The following TMTC2 variants were observed in gnomAD, a reference collection of about 807,000 sequenced individuals.
The protein encoded by TMTC2 is transmembrane O-mannosyltransferase targeting cadherins 2.
TMTC2 carries 43 observed loss-of-function variants against 82.4 expected under a neutral mutation model. The observed-to-expected ratio is 0.52, with a 90% CI of 0.41 to 0.67. TMTC2 has a LOEUF of 0.67. Among genes scored for constraint, TMTC2 ranks in the 30% least tolerant of loss-of-function variants. TMTC2 has a pLI of 0.00. For synonymous variants in TMTC2, 408 were observed against 381.9 expected (o/e 1.07, Z -0.80); for missense variants, 919 against 1,012.4 (o/e 0.91, Z 1.25).
At chr12:82,745,187 C>T (rs184246330) in intron 1 of TMTC2, among the ~76,000 whole-genome samples, 19 of 152,032 alleles carry the variant, frequency 1.2e-4, no homozygotes, top group African/African-American at 4.6e-4. Context: ...TTTCATTCCT[C>T]AAGCAGAACT....
intron 10 of TMTC2, among the ~76,000 whole-genome samples, chr12:83,055,001 C>T (rs1037345972): frequency 6.6e-6 from 1 of 152,034 alleles, no homozygotes; most frequent in African/African-American, 2.4e-5. Context: ...GGGTTGGGAG[C>T]TCTACTCTAC....
At chr12:82,796,883 G>A (rs1321735820) in intron 1 of TMTC2, among the ~76,000 whole-genome samples, 1 of 152,074 alleles carries the variant, frequency 6.6e-6, no homozygotes, top group Non-Finnish European at 1.5e-5. Flanking sequence ...GCTTTAAAAT[G>A]GGGATATAAA....
chr12:82,855,513 C>G (rs1431468360), intron 1 of TMTC2, among the ~76,000 whole-genome samples: 2 of 152,132 alleles, frequency 1.3e-5, no homozygotes, highest in Non-Finnish European at 2.9e-5. Context: ...CTTAAAAAGC[C>G]CTGATATCAG....
chr12:82,797,653 T>C (rs1247304202), intron 1 of TMTC2, among the ~76,000 whole-genome samples: 1 of 152,118 alleles, frequency 6.6e-6, no homozygotes, highest in Non-Finnish European at 1.5e-5. Flanking sequence ...GTTAAATCAA[T>C]TTTAAAGATA....
chr12:83,041,567 T>A lies in TMTC2; in HGVS notation c.2153-9337T>A, dbSNP rs10467047. Among the ~76,000 whole-genome samples the A allele has an allele frequency of 2.7e-3, 413 of 151,872 alleles. 2 individuals are homozygous for A. Among genetic ancestry groups the A allele is most frequent in the African/African-American group, 9.6e-3 (397 of 41,402 alleles). On this transcript the variant is annotated intron_variant, in intron 9 of 11. Transcript: ENST00000321196. ...AAAAATTTTGAATAAGGTATATAAA[T>A]AAAGGGACAAATTAAGGGAAGAAGA...
At chr12:83,046,544 A>G (rs1162628428) in intron 9 of TMTC2, among the ~76,000 whole-genome samples, 2 of 152,156 alleles carry the variant, frequency 1.3e-5, no homozygotes, top group African/African-American at 2.4e-5. Flanking sequence ...CAGACTCTCC[A>G]AAGTGCCTGC....
chr12:83,093,299 A>C (rs1883904651), intron 11 of TMTC2, among the ~76,000 whole-genome samples: 1 of 152,208 alleles, frequency 6.6e-6, no homozygotes, highest in Admixed American at 6.5e-5. Context: ...ACATTTTTAC[A>C]TGTTCTGCCC....
At chr12:83,047,515 C>T (rs1424523935) in intron 9 of TMTC2, among the ~76,000 whole-genome samples, 1 of 152,142 alleles carries the variant, frequency 6.6e-6, no homozygotes, top group Non-Finnish European at 1.5e-5. Context: ...GATTCACATT[C>T]CATAATATTC....
At chr12:83,036,977 G>GAGAACTCACTAC (rs1027858454) in intron 9 of TMTC2, among the ~76,000 whole-genome samples, 3 of 152,058 alleles carry the variant, frequency 2.0e-5, no homozygotes, top group Non-Finnish European at 4.4e-5. Flanking sequence ...AGTCTCACCA[G>GAGAACTCACTAC]AGAACTCACT....
At chr12:83,077,507 T>G (rs946635410) in intron 11 of TMTC2, among the ~76,000 whole-genome samples, 1 of 152,220 alleles carries the variant, frequency 6.6e-6, no homozygotes, top group Non-Finnish European at 1.5e-5. Context: ...TATGTAAAAC[T>G]TATGTTAAAT....
chr12:82,825,298 A>G (rs1221062106), intron 1 of TMTC2, among the ~76,000 whole-genome samples: 1 of 152,208 alleles, frequency 6.6e-6, no homozygotes, highest in Admixed American at 6.5e-5. Flanking sequence ...TTATAACAGG[A>G]CAAAAACTGT....
At chr12:82,781,377 G>A (rs1195134101) in intron 1 of TMTC2, among the ~76,000 whole-genome samples, 1 of 147,638 alleles carries the variant, frequency 6.8e-6, no homozygotes. Context: ...CGTTTGAATA[G>A]AGTATGTGTG....
intron 9 of TMTC2, among the ~76,000 whole-genome samples, chr12:83,039,698 T>A (rs1488053866): frequency 6.6e-6 from 1 of 152,180 alleles, no homozygotes; most frequent in African/African-American, 2.4e-5. Flanking sequence ...CAGGGCCATT[T>A]GTGCTATACT....
At chr12:83,014,339 T>C (rs1880581402) in intron 8 of TMTC2, among the ~76,000 whole-genome samples, 1 of 152,048 alleles carries the variant, frequency 6.6e-6, no homozygotes, top group Admixed American at 6.6e-5. Flanking sequence ...ATTTTTGTTT[T>C]TTGGTTTTTG....
intron 11 of TMTC2, among the ~76,000 whole-genome samples, chr12:83,104,099 G>A (rs1470052706): frequency 6.6e-6 from 1 of 152,228 alleles, no homozygotes; most frequent in Non-Finnish European, 1.5e-5. Context: ...GCACACTGGT[G>A]CAAGGGATGA....
At chr12:82,885,262 G>A (rs1467263320) in intron 2 of TMTC2, among the ~76,000 whole-genome samples, 1 of 151,974 alleles carries the variant, frequency 6.6e-6, no homozygotes, top group African/African-American at 2.4e-5. Flanking sequence ...TTAGCAGTAT[G>A]TCTTTCCATT....
chr12:82,774,634 T>C (rs1877490282), intron 1 of TMTC2, among the ~76,000 whole-genome samples: 1 of 88,716 alleles, frequency 1.1e-5, no homozygotes, highest in African/African-American at 6.2e-5. Context: ...AAAAGAACAA[T>C]TTTTTTTTTT....
chr12:82,899,578 T>C (rs1205632654), intron 3 of TMTC2, among the ~76,000 whole-genome samples: 3 of 128,420 alleles, frequency 2.3e-5, no homozygotes, highest in South Asian at 2.3e-4. Context: ...ATGTGGAATA[T>C]ATATATATAA....
chr12:83,043,392 C>T (rs1881967870), intron 9 of TMTC2, among the ~76,000 whole-genome samples: 1 of 152,186 alleles, frequency 6.6e-6, no homozygotes, highest in Non-Finnish European at 1.5e-5. Context: ...TTTATGCACT[C>T]ATCTTGTTAC....
Sources: allele counts gnomAD v4.1 joint callset (sites outside exome capture counted in the v4.1 genomes callset), GRCh38; gene constraint gnomAD v4.1.1; transcripts MANE v1.5; gene names NCBI Gene and HGNC (gene_info 2026-07-23, HGNC 2026-07-21).